The following FRMPD4 variants were observed in gnomAD, a reference collection of about 807,000 sequenced individuals.
FRMPD4 encodes the protein FERM and PDZ domain containing 4.
Under a neutral mutation model 94.1 loss-of-function variants are expected in FRMPD4, and 22 were observed. That is an observed-to-expected ratio of 0.23 (90% CI 0.17 to 0.33). FRMPD4 has a LOEUF of 0.33. FRMPD4 is among the 10% of genes least tolerant of loss of function. The probability of loss-of-function intolerance (pLI) is 1.00; values close to 1 mark genes in which losing one functional copy is unlikely to be tolerated. For missense variants in FRMPD4, 1,111 were observed against 1,339.9 expected (o/e 0.83, Z 2.67); for synonymous variants, 631 against 548.6 (o/e 1.15, Z -2.10).
chrX:12,065,572 G>C (rs1439313292), intron 3 of FRMPD4, among the ~76,000 whole-genome samples: 2 of 111,934 alleles, frequency 1.8e-5, no homozygotes, highest in Admixed American at 9.5e-5. Flanking sequence ...GCTGCATATT[G>C]AATGTGAGTA....
chrX:11,890,035 GCTCTTT>G (rs2147320657), intron 3 of FRMPD4, among the ~76,000 whole-genome samples: 1 of 112,543 alleles, frequency 8.9e-6, no homozygotes, highest in South Asian at 3.7e-4. Context: ...AAGGGGAAGG[GCTCTTT>G]CTCTTGTTGG....
At chrX:12,019,555 C>A in intron 3 of FRMPD4, among the ~76,000 whole-genome samples, 1 of 111,126 alleles carries the variant, frequency 9.0e-6, no homozygotes, top group Non-Finnish European at 1.9e-5. Flanking sequence ...TGCCAAACTC[C>A]TCAATAGAGC....
intron 1 of FRMPD4, among the ~76,000 whole-genome samples, chrX:12,483,862 AT>A (rs1003086806): frequency 9.0e-6 from 1 of 110,891 alleles, no homozygotes; most frequent in African/African-American, 3.3e-5. Flanking sequence ...AAAATTTTAG[AT>A]TTTTTTTTAC....
chrX:12,232,678 A>G (rs963287097), intron 1 of FRMPD4, among the ~76,000 whole-genome samples: 1 of 111,680 alleles, frequency 9.0e-6, no homozygotes, highest in African/African-American at 3.3e-5. Flanking sequence ...TTTTTCAATG[A>G]TCTGAGAACT....
At chrX:12,179,951 G>A (rs1447834306) in intron 1 of FRMPD4, among the ~76,000 whole-genome samples, 7 of 107,325 alleles carry the variant, frequency 6.5e-5, no homozygotes, top group African/African-American at 2.4e-4. Flanking sequence ...GCCCTCATTT[G>A]CCATTAACTG....
At chrX:12,560,905 G>GACT (rs1403183082) in intron 2 of FRMPD4, among the ~76,000 whole-genome samples, 1 of 97,501 alleles carries the variant, frequency 1.0e-5, no homozygotes, top group Non-Finnish European at 2.1e-5. Flanking sequence ...AAGTAGCTGG[G>GACT]ACTACAGGCG....
chrX:12,588,462 G>A (rs1375717499), intron 2 of FRMPD4, among the ~76,000 whole-genome samples: 1 of 112,311 alleles, frequency 8.9e-6, no homozygotes, highest in Non-Finnish European at 1.9e-5. Context: ...AATTGAAAAC[G>A]AAAGTTTTTT....
At chrX:12,060,299 G>A (rs1461700815) in intron 3 of FRMPD4, among the ~76,000 whole-genome samples, 3 of 101,066 alleles carry the variant, frequency 3.0e-5, no homozygotes, top group Non-Finnish European at 4.0e-5. Context: ...TTTAATAATA[G>A]CTATTCAGAC....
chrX:12,674,238 G>A (rs2059871868), intron 4 of FRMPD4, among the ~76,000 whole-genome samples: 1 of 111,709 alleles, frequency 9.0e-6, no homozygotes, highest in African/African-American at 3.3e-5. Flanking sequence ...TTTCCCAACC[G>A]GTGCCTGTCT....
chrX:12,076,366 G>T (rs1601921024), intron 3 of FRMPD4, among the ~76,000 whole-genome samples: 1 of 109,148 alleles, frequency 9.2e-6, no homozygotes, highest in Non-Finnish European at 1.9e-5. Context: ...GTATGTGTGT[G>T]TGTGTGTGGA....
intron 3 of FRMPD4, among the ~76,000 whole-genome samples, chrX:11,906,121 T>G (rs6640808): frequency 0.024 from 2,327 of 97,674 alleles, 28 homozygotes; most frequent in African/African-American, 0.046. Context: ...TTCATTTTAT[T>G]TATTTATTTA....
chrX:12,500,668 T>C (rs1259334068), intron 2 of FRMPD4, among the ~76,000 whole-genome samples: 4 of 111,361 alleles, frequency 3.6e-5, no homozygotes, highest in East Asian at 2.8e-4. Context: ...GAAATGGCAG[T>C]GGGAGCAGGG....
intron 1 of FRMPD4, among the ~76,000 whole-genome samples, chrX:12,437,543 G>A (rs1484717529): frequency 9.0e-6 from 1 of 110,871 alleles, no homozygotes; most frequent in African/African-American, 3.3e-5. Flanking sequence ...TGAGTTCTAA[G>A]CTTCATTTCA....
intron 9 of FRMPD4, among the ~76,000 whole-genome samples, chrX:12,695,971 G>A (rs2060124239): frequency 2.8e-5 from 3 of 108,029 alleles, no homozygotes; most frequent in African/African-American, 6.8e-5. Context: ...CCCACCCTCA[G>A]GTGATCTGCC....
At chrX:12,142,674 A>G (rs888396835) in intron 1 of FRMPD4, among the ~76,000 whole-genome samples, 6 of 112,095 alleles carry the variant, frequency 5.4e-5, no homozygotes, top group African/African-American at 1.9e-4. Context: ...CTGTTTTAGG[A>G]ATATTTAACT....
At chrX:12,710,221 T>G (rs2041959337) in intron 13 of FRMPD4, among the ~76,000 whole-genome samples, 178 bp from the exon 14 acceptor site, 1 of 111,973 alleles carries the variant, frequency 8.9e-6, no homozygotes, top group African/African-American at 3.2e-5. Context: ...GGGTGTGTCC[T>G]GAATGTTTTT....
At chrX:11,881,549 G>T (rs766576560) in intron 3 of FRMPD4, among the ~76,000 whole-genome samples, 2 of 112,309 alleles carry the variant, frequency 1.8e-5, no homozygotes, top group Non-Finnish European at 3.8e-5. Context: ...GTTTCAAAAG[G>T]TTATTTACTG....
intron 1 of FRMPD4, among the ~76,000 whole-genome samples, chrX:12,159,212 T>G (rs2055984341): frequency 8.9e-6 from 1 of 112,437 alleles, no homozygotes; most frequent in African/African-American, 3.2e-5. Context: ...AGCATGCAGC[T>G]TCAAAGACAT....
intron 1 of FRMPD4, among the ~76,000 whole-genome samples, chrX:12,304,454 C>G (rs754505644): frequency 9.0e-6 from 1 of 111,267 alleles, no homozygotes; most frequent in Non-Finnish European, 1.9e-5. Flanking sequence ...CTGTGACAGT[C>G]AGAAACGTCT....
Sources: gnomAD v4.1 joint callset for allele counts (sites outside exome capture counted in the v4.1 genomes callset) on GRCh38, gnomAD v4.1.1 for gene constraint, MANE v1.5 for transcripts, NCBI Gene and HGNC (gene_info 2026-07-23, HGNC 2026-07-21) for gene names.